Variants in RNFT2 observed in about 807,000 individuals in gnomAD.
RNFT2 encodes the protein ring finger protein, transmembrane 2.
In RNFT2, 36 loss-of-function variants were observed where a neutral mutation model predicts 53.0. The ratio of observed to expected loss-of-function variants is 0.68; its 90% CI spans 0.52 to 0.90. The LOEUF (loss-of-function observed/expected upper bound fraction) is 0.90. Among genes scored for constraint, RNFT2 ranks in the 40% least tolerant of loss-of-function variants. The probability of loss-of-function intolerance (pLI) is 0.00; values close to 1 mark genes in which losing one functional copy is unlikely to be tolerated. For missense variants in RNFT2, 514 were observed against 585.6 expected, an observed-to-expected ratio of 0.88 and a Z score of 1.26; for synonymous variants, 260 against 253.2, an observed-to-expected ratio of 1.03 and a Z score of -0.26.
chr12:116,800,218 C>T (rs926816770), intron 7 of RNFT2, among the ~76,000 whole-genome samples: 17 of 152,010 alleles, frequency 1.1e-4, no homozygotes, highest in African/African-American at 3.9e-4. Context: ...TAGTCTCAGC[C>T]GGGCATGGTG....
At chr12:116,829,127 G>A (rs1476636857) in intron 7 of RNFT2, among the ~76,000 whole-genome samples, 2 of 152,152 alleles carry the variant, frequency 1.3e-5, no homozygotes, top group East Asian at 3.9e-4. Context: ...GAGACATGAG[G>A]GAGGCATGGG....
intron 5 of RNFT2, among the ~76,000 whole-genome samples, chr12:116,757,151 T>C (rs1166645208): frequency 3.3e-5 from 5 of 152,176 alleles, no homozygotes; most frequent in African/African-American, 4.8e-5. Flanking sequence ...CTTTTATATT[T>C]CAGTGGTGTC....
At chr12:116,823,300 C>T (rs540960565) in intron 7 of RNFT2, among the ~76,000 whole-genome samples, 2 of 152,302 alleles carry the variant, frequency 1.3e-5, no homozygotes, top group East Asian at 3.9e-4. Context: ...AGCAGCTTGC[C>T]CAAAGTCACA....
intron 10 of RNFT2, among the ~76,000 whole-genome samples, chr12:116,837,418 T>C (rs903328121): frequency 6.6e-6 from 1 of 151,766 alleles, no homozygotes; most frequent in Non-Finnish European, 1.5e-5. Context: ...AGTTCCAGGT[T>C]GGGAAGGGTT....
chr12:116,739,029 G>C (rs936275623), intron 1 of RNFT2, among the ~76,000 whole-genome samples: 3 of 152,154 alleles, frequency 2.0e-5, no homozygotes, highest in Non-Finnish European at 4.4e-5. Context: ...GGCTTCACTG[G>C]CGGGTCATTT....
intron 3 of RNFT2, among the ~76,000 whole-genome samples, chr12:116,745,050 TATC>T (rs1169979840): frequency 1.3e-5 from 2 of 152,180 alleles, no homozygotes; most frequent in African/African-American, 4.8e-5. Flanking sequence ...TTATTAATAT[TATC>T]ATTATTATTA....
intron 8 of RNFT2, 135 bp from the exon 9 acceptor site, chr12:116,835,825 C>A: frequency 1.2e-6 from 1 of 816,492 alleles, no homozygotes; most frequent in Non-Finnish European, 2.0e-6. Flanking sequence ...GGAAGAAGTG[C>A]AAATGAGAAG....
At chr12:116,767,054 T>A (rs1435447129) in intron 6 of RNFT2, 140 bp downstream of exon 6, 4 of 593,480 alleles carry the variant, frequency 6.7e-6, no homozygotes, top group Non-Finnish European at 1.2e-5. Flanking sequence ...TGTTACTACT[T>A]ATATATATCT....
chr12:116,757,123 A>G (rs1872540887), intron 5 of RNFT2, among the ~76,000 whole-genome samples: 1 of 152,156 alleles, frequency 6.6e-6, no homozygotes, highest in Non-Finnish European at 1.5e-5. Context: ...AAAGGTGTTC[A>G]TAGTAGCCTT....
chr12:116,841,343 C>T (rs1877238077), intron 10 of RNFT2, among the ~76,000 whole-genome samples: 1 of 152,082 alleles, frequency 6.6e-6, no homozygotes, highest in Non-Finnish European at 1.5e-5. Context: ...GTCCCAGCTA[C>T]TCAGAATGCT....
chr12:116,775,298 A>G (rs1321228775), intron 6 of RNFT2, among the ~76,000 whole-genome samples: 4 of 116,946 alleles, frequency 3.4e-5, no homozygotes, highest in Non-Finnish European at 7.0e-5. Context: ...GAAGAGCAAC[A>G]TAGCTGAGTC....
At chr12:116,777,867 G>A (rs937329315) in intron 6 of RNFT2, among the ~76,000 whole-genome samples, 8 of 152,134 alleles carry the variant, frequency 5.3e-5, no homozygotes, top group South Asian at 2.1e-4. Flanking sequence ...AAGTCTGTCC[G>A]ATACCAACGC....
intron 7 of RNFT2, among the ~76,000 whole-genome samples, chr12:116,824,697 A>C (rs543517179): frequency 1.3e-5 from 2 of 152,220 alleles, no homozygotes; most frequent in Non-Finnish European, 2.9e-5. Context: ...CCTGGCTTGC[A>C]GAAGGTTGTC....
intron 6 of RNFT2, among the ~76,000 whole-genome samples, chr12:116,774,984 A>G (rs145737339): frequency 0.02 from 2,969 of 151,854 alleles, 48 homozygotes; most frequent in Middle Eastern, 0.038. Flanking sequence ...GCAACAGGCC[A>G]TGTGCGGTGG....
At chr12:116,780,148 T>C (rs1873625000) in intron 7 of RNFT2, among the ~76,000 whole-genome samples, 1 of 152,216 alleles carries the variant, frequency 6.6e-6, no homozygotes, top group Non-Finnish European at 1.5e-5. Flanking sequence ...GAGTGGTAAC[T>C]AACCCAACCC....
Position 116,779,244 on chromosome 12 carries a change from C to T in RNFT2, c.778C>T (p.Leu260=). The T allele has an allele frequency of 6.2e-7, 1 of 1,614,018 alleles. No individual in the cohort carries two copies. Among genetic ancestry groups the T allele is most frequent in the Non-Finnish European group, 8.5e-7 (1 of 1,179,890 alleles). ...GGAGATGCTGGACTTCTTTGACCTGCTATGGATTGTGGGGATCGCAGACTT... is the reference window on the plus strand; with the variant it reads ...GGAGATGCTGGACTTCTTTGACCTGTTATGGATTGTGGGGATCGCAGACTT... The part of the protein sequence containing the change: ...NLEMLDFFDL[L]WIVGIADFVL... The change falls in exon 7 of 11, where the codon CTA becomes TTA. Residue 260 remains leucine, a synonymous_variant. Coordinates refer to ENST00000257575, the MANE Select transcript of RNFT2 (RefSeq NM_001382266.1).
chr12:116,753,667 A>C (rs1330228086), intron 4 of RNFT2, among the ~76,000 whole-genome samples: 1 of 152,142 alleles, frequency 6.6e-6, no homozygotes, highest in Non-Finnish European at 1.5e-5. Flanking sequence ...GACTTGCCCA[A>C]GCTCAAACAG....
At chr12:116,818,971 G>A (rs769315898) in intron 7 of RNFT2, among the ~76,000 whole-genome samples, 30 of 152,200 alleles carry the variant, frequency 2.0e-4, no homozygotes, top group Non-Finnish European at 1.9e-4. Context: ...GCTGTCAAAG[G>A]GCTCATTCAC....
rs1337704739 is a variant in RNFT2 at position 116,849,638 on chromosome 12, T to C, written c.*190T>C. The C allele has an allele frequency of 7.4e-7, 1 of 1,356,798 alleles. No homozygotes were observed. The highest frequency in any genetic ancestry group is 2.6e-5 in the East Asian group (1 of 38,400). The allele number at this position is 1,356,798 out of a possible 1,614,324, so 84.0% of individuals were successfully genotyped here. A position where few individuals can be genotyped will look rare whatever the true frequency, so the allele number is the denominator to read the frequency against. On this transcript the variant is annotated 3_prime_UTR_variant, in exon 11 of 11. Coordinates refer to ENST00000257575, the MANE Select transcript of RNFT2 (RefSeq NM_001382266.1). ...CATCTTCCTCTCTCGTTCTGTGGTA[T>C]AGTGCGTGCCTCCTTCCCCTGCAAA...
Sources: allele counts gnomAD v4.1 joint callset (sites outside exome capture counted in the v4.1 genomes callset), GRCh38; gene constraint gnomAD v4.1.1; transcripts MANE v1.5; gene names NCBI Gene and HGNC (gene_info 2026-07-23, HGNC 2026-07-21).